Variants in SUCLG2 observed in about 807,000 individuals in gnomAD.
SUCLG2 encodes the protein succinate-CoA ligase GDP-forming subunit beta.
A neutral mutation model predicts 47.9 loss-of-function variants in SUCLG2; 42 were observed. That is an observed-to-expected ratio of 0.88 (90% CI 0.69 to 1.14). The LOEUF (loss-of-function observed/expected upper bound fraction) is 1.14. SUCLG2 is among the 50% of genes most tolerant of loss of function. The pLI is 0.00. For missense variants in SUCLG2, 571 were observed against 525.9 expected, an observed-to-expected ratio of 1.09 and a Z score of -0.84; for synonymous variants, 195 against 197.3, an observed-to-expected ratio of 0.99 and a Z score of 0.10.
chr3:67,469,739 T>C (rs939466179), intron 9 of SUCLG2, among the ~76,000 whole-genome samples: 2 of 146,242 alleles, frequency 1.4e-5, no homozygotes, highest in African/African-American at 5.1e-5. Context: ...AAACTAATAA[T>C]AATAATTTTT....
chr3:67,363,703 G>A (rs1482885741), intron 10 of SUCLG2, among the ~76,000 whole-genome samples: 1 of 152,062 alleles, frequency 6.6e-6, no homozygotes, highest in Non-Finnish European at 1.5e-5. Context: ...CAGAAAGCAT[G>A]ACTGTGGTTT....
In SUCLG2 at chr3:67,441,147, G is replaced by A. The variant is rs145957778; in HGVS notation, c.1063-40296C>T. On this transcript the variant is annotated intron_variant, in intron 9 of 10. Coordinates refer to ENST00000307227, the MANE Select transcript of SUCLG2 (RefSeq NM_003848.4). Reference sequence around the variant, plus strand: ...AGGAACAGAAAACTAAACACTGCATGTTCTCACTCATAAGTAGGAGTTGAA... The same window carrying A: ...AGGAACAGAAAACTAAACACTGCATATTCTCACTCATAAGTAGGAGTTGAA... 3.5e-4 allele frequency among the ~76,000 whole-genome samples: 53 copies of A among 152,114 alleles called. 2 individuals carry two copies. The East Asian group carries it at 0.01, about 29-fold the overall frequency.
rs543490390 is a variant in SUCLG2 at position 67,594,312 on chromosome 3, T to C, written c.226+15143A>G. Among the ~76,000 whole-genome samples, 9 of 152,366 alleles carry C rather than the reference T, an allele frequency of 5.9e-5. No homozygotes were observed. The East Asian group carries it at 1.7e-3, about 29-fold the overall frequency. The stretch of plus-strand genomic sequence containing the variant: ...ATACTTAGCTGAGCACAAAGCCTTA[T>C]ATGATCTGGGCTCCAACCCATTTGC... On this transcript the variant is annotated intron_variant, in intron 2 of 10. Coordinates refer to ENST00000307227, the MANE Select transcript of SUCLG2 (RefSeq NM_003848.4).
intron 2 of SUCLG2, among the ~76,000 whole-genome samples, chr3:67,542,289 T>C (rs999814627): frequency 6.6e-6 from 1 of 152,164 alleles, no homozygotes; most frequent in Non-Finnish European, 1.5e-5. Flanking sequence ...CTGAGAGATT[T>C]TGTTACCACC....
chr3:67,417,732 G>T (rs1208065111), intron 9 of SUCLG2, among the ~76,000 whole-genome samples: 1 of 152,130 alleles, frequency 6.6e-6, no homozygotes, highest in Non-Finnish European at 1.5e-5. Flanking sequence ...GCAGAGAAAG[G>T]CACCTTATGT....
At chr3:67,365,776 C>T (rs541219724) in intron 10 of SUCLG2, among the ~76,000 whole-genome samples, 98 of 152,104 alleles carry the variant, frequency 6.4e-4, no homozygotes, top group African/African-American at 2.2e-3. Flanking sequence ...AATTTCTTGA[C>T]GATTTTTAAA....
At chr3:67,627,357 T>C (rs775082406) in intron 1 of SUCLG2, among the ~76,000 whole-genome samples, 6 of 152,194 alleles carry the variant, frequency 3.9e-5, no homozygotes, top group Non-Finnish European at 7.3e-5. Flanking sequence ...TAGAAGCAAA[T>C]TGGAGCTGTT....
chr3:67,533,296 T>A (rs1379973670), intron 2 of SUCLG2, among the ~76,000 whole-genome samples: 1 of 152,198 alleles, frequency 6.6e-6, no homozygotes, highest in African/African-American at 2.4e-5. Context: ...AATACTTTCC[T>A]AAATGCTAAA....
chr3:67,422,001 T>C (rs1465455275), intron 9 of SUCLG2, among the ~76,000 whole-genome samples: 1 of 152,300 alleles, frequency 6.6e-6, no homozygotes, highest in East Asian at 1.9e-4. Flanking sequence ...TCCACATGTA[T>C]ATAGTACAGT....
intron 10 of SUCLG2, among the ~76,000 whole-genome samples, chr3:67,396,109 G>T (rs903973834): frequency 2.6e-5 from 4 of 152,030 alleles, no homozygotes; most frequent in African/African-American, 4.8e-5. Flanking sequence ...ACAATTAAAA[G>T]AACTAGAAAA....
intron 2 of SUCLG2, among the ~76,000 whole-genome samples, chr3:67,542,966 G>A (rs1459432323): frequency 6.6e-6 from 1 of 152,182 alleles, no homozygotes; most frequent in Non-Finnish European, 1.5e-5. Context: ...GGACCAAGCA[G>A]ACCTAATAGA....
At chr3:67,406,622 G>C (rs1257067309) in intron 9 of SUCLG2, among the ~76,000 whole-genome samples, 1 of 152,026 alleles carries the variant, frequency 6.6e-6, no homozygotes, top group African/African-American at 2.4e-5. Flanking sequence ...TGGTGCATTT[G>C]AGAAACTGAA....
chr3:67,390,846 T>C (rs1191568799), intron 10 of SUCLG2, among the ~76,000 whole-genome samples: 2 of 152,168 alleles, frequency 1.3e-5, no homozygotes, highest in African/African-American at 4.8e-5. Flanking sequence ...TTTATCAGAA[T>C]CCACCAACAT....
chr3:67,629,416 G>C (rs912362135), intron 1 of SUCLG2, among the ~76,000 whole-genome samples: 4 of 152,118 alleles, frequency 2.6e-5, no homozygotes, highest in Non-Finnish European at 5.9e-5. Flanking sequence ...GAACTCTAGA[G>C]AATATTTATG....
At chr3:67,618,601 A>T (rs900157665) in intron 1 of SUCLG2, among the ~76,000 whole-genome samples, 3 of 152,164 alleles carry the variant, frequency 2.0e-5, no homozygotes, top group Non-Finnish European at 4.4e-5. Context: ...CCTAAAAAAA[A>T]CCCATGAGCT....
At chr3:67,469,264 A>G (rs1391210135) in intron 9 of SUCLG2, among the ~76,000 whole-genome samples, 1 of 152,174 alleles carries the variant, frequency 6.6e-6, no homozygotes, top group Non-Finnish European at 1.5e-5. Context: ...AAAGGGATGG[A>G]AGAAAGATTT....
chr3:67,612,264 C>A (rs1700540661), intron 1 of SUCLG2, among the ~76,000 whole-genome samples: 1 of 151,858 alleles, frequency 6.6e-6, no homozygotes, highest in South Asian at 2.1e-4. Context: ...GTGGCTGAGG[C>A]TGGAGGACAA....
intron 2 of SUCLG2, among the ~76,000 whole-genome samples, chr3:67,561,645 T>C (rs1035548913): frequency 1.7e-4 from 26 of 152,124 alleles, no homozygotes; most frequent in African/African-American, 6.0e-4. Flanking sequence ...AATCAACCAT[T>C]CCCTCTTGGT....
At chr3:67,520,383 A>G (rs1227965644) in intron 5 of SUCLG2, 99 bp downstream of exon 5, 40 of 1,531,158 alleles carry the variant, frequency 2.6e-5, no homozygotes, top group Admixed American at 3.4e-5. Flanking sequence ...AATTGTAGAG[A>G]CAGATTTAGT....
Sources: allele counts gnomAD v4.1 joint callset (sites outside exome capture counted in the v4.1 genomes callset), GRCh38; gene constraint gnomAD v4.1.1; transcripts MANE v1.5; gene names NCBI Gene and HGNC (gene_info 2026-07-23, HGNC 2026-07-21).